The following PBRM1 variants were observed in gnomAD, a reference collection of about 807,000 sequenced individuals.
PBRM1 encodes the protein protein polybromo-1.
A neutral mutation model predicts 194.5 loss-of-function variants in PBRM1; 27 were observed. The ratio of observed to expected loss-of-function variants is 0.14; its 90% confidence interval spans 0.10 to 0.19. The LOEUF is 0.19. PBRM1 is among the 10% of genes least tolerant of loss of function. The pLI, the probability that PBRM1 is intolerant of heterozygous loss-of-function variation, is 1.00. For synonymous variants in PBRM1, 655 were observed against 693.2 expected (o/e 0.94, Z 0.87); for missense variants, 1,466 against 2,077.2 (o/e 0.71, Z 5.72).
At chr3:52,685,769 A>C in exon 1 of PBRM1, 1 of 223,836 alleles carries the variant, frequency 4.5e-6, no homozygotes, top group Non-Finnish European at 8.5e-6. Flanking sequence ...CGCCGCCTGC[A>C]GCCCCGGCCG....
At chr3:52,634,204 C>T (rs892050838) in intron 11 of PBRM1, among the ~76,000 whole-genome samples, 4 of 151,864 alleles carry the variant, frequency 2.6e-5, no homozygotes, top group African/African-American at 9.7e-5. Flanking sequence ...TTTGGGAGGC[C>T]GAGGTGGGCA....
chr3:52,653,374 G>A (rs138689660), intron 5 of PBRM1, among the ~76,000 whole-genome samples: 5,052 of 152,218 alleles, frequency 0.033, 277 homozygotes, highest in African/African-American at 0.11. Context: ...TGGATCACCT[G>A]AAGTCAGGAG....
chr3:52,619,825 C>G (rs529341100), intron 13 of PBRM1, among the ~76,000 whole-genome samples: 1 of 152,122 alleles, frequency 6.6e-6, no homozygotes, highest in Non-Finnish European at 1.5e-5. Flanking sequence ...GATTTTTAGG[C>G]TTTTCAGAAA....
intron 20 of PBRM1, 31 bp from the exon 23 acceptor site, chr3:52,579,230 T>G (rs756053448): frequency 6.3e-7 from 1 of 1,598,476 alleles, no homozygotes; most frequent in Admixed American, 1.7e-5. Context: ...TGAAGAAAGG[T>G]AGTTGATAAT....
At position 52,628,887 on chromosome 3, in the gene PBRM1, A is replaced by C; in HGVS notation, c.1443+7T>G. 4 of 1,613,278 alleles carry C rather than the reference A, an allele frequency of 2.5e-6. No homozygotes were observed. The highest frequency in any genetic ancestry group is 3.4e-6 in the Non-Finnish European group (4 of 1,179,488). On this transcript the variant is annotated splice_region_variant and intron_variant, in intron 12 of 29. Coordinates refer to ENST00000296302, the Ensembl canonical transcript of PBRM1. Reference sequence around the variant, plus strand: ...ACAACAAACTCAGCAAAAACAATAAATCACACCTGCATAACTTGCTGCAAT... The same window carrying C: ...ACAACAAACTCAGCAAAAACAATAACTCACACCTGCATAACTTGCTGCAAT...
chr3:52,667,490 C>A (rs866865357), intron 3 of PBRM1, among the ~76,000 whole-genome samples: 1 of 152,224 alleles, frequency 6.6e-6, no homozygotes, highest in East Asian at 1.9e-4. Context: ...TGGTCGCTCA[C>A]GCCTGTTGTC....
chr3:52,644,647 T>G (rs2153730492), intron 8 of PBRM1, 57 bp downstream of exon 9: 1 of 757,534 alleles, frequency 1.3e-6, no homozygotes, highest in Non-Finnish European at 2.2e-6. Context: ...CCTCCCAAAG[T>G]GCTGAGATTA....
chr3:52,651,698 A>G, intron 6 of PBRM1, 44 bp downstream of exon 7: 1 of 1,172,054 alleles, frequency 8.5e-7, no homozygotes, highest in Non-Finnish European at 1.2e-6. Context: ...TCATAGGCCA[A>G]TCTGCTCTAA....
chr3:52,587,315 G>C (rs1484971881), intron 19 of PBRM1, 38 bp downstream of exon 21: 1 of 1,424,868 alleles, frequency 7.0e-7, no homozygotes, highest in Non-Finnish European at 9.7e-7. Flanking sequence ...TTATTCCTAG[G>C]GAATGAGTGA....
chr3:52,593,752 T>C (rs975964312), intron 17 of PBRM1, among the ~76,000 whole-genome samples: 1 of 152,228 alleles, frequency 6.6e-6, no homozygotes, highest in African/African-American at 2.4e-5. Context: ...AGTGATTTTG[T>C]CTTGATTTCT....
intron 10 of PBRM1, among the ~76,000 whole-genome samples, chr3:52,636,450 A>T (rs2095815361): frequency 6.6e-6 from 1 of 151,998 alleles, no homozygotes; most frequent in African/African-American, 2.4e-5. Context: ...CTCAGGTAAG[A>T]ACCATAATCA....
chr3:52,658,147 A>G, intron 5 of PBRM1, 52 bp downstream of exon 6: 1 of 838,654 alleles, frequency 1.2e-6, no homozygotes, highest in East Asian at 2.4e-5. Flanking sequence ...CAATTCTTGA[A>G]GTACTAAAAA....
intron 22 of PBRM1, among the ~76,000 whole-genome samples, chr3:52,571,854 CCCAAAAAAAA>C (rs1215425140): frequency 1.6e-4 from 6 of 36,682 alleles, no homozygotes; most frequent in African/African-American, 5.1e-4. Context: ...ACCTCATCTC[CCCAAAAAAAA>C]AAAAAAAAAA....
At chr3:52,546,494 G>A (rs2079694331), downstream of PBRM1, 1 of 229,880 alleles carries the variant, frequency 4.4e-6, no homozygotes, top group East Asian at 6.3e-5. Flanking sequence ...AGATACAAGA[G>A]ACTTTTTTCC....
intron 27 of PBRM1, among the ~76,000 whole-genome samples, chr3:52,554,440 G>C (rs1441064062): frequency 1.3e-5 from 2 of 152,256 alleles, no homozygotes; most frequent in African/African-American, 4.8e-5. Context: ...TGTCAAATTA[G>C]TTGAGTGATT....
At chr3:52,655,003 C>T (rs1358850131) in intron 5 of PBRM1, among the ~76,000 whole-genome samples, 1 of 152,068 alleles carries the variant, frequency 6.6e-6, no homozygotes, top group East Asian at 1.9e-4. Context: ...ATGTTGGCCT[C>T]TCAAAGCTCT....
In PBRM1 at chr3:52,648,313, A is replaced by AAAC. The variant is rs752396114; in HGVS notation, c.813+28_813+30dup. On this transcript the variant is annotated intron_variant, in intron 7 of 29. Transcript: ENST00000296302. ...TTAAATTATCTACTATTACCAAGGA[A>AAAC]AACAACAACAACAACAACAACAAAA... 1.8e-4 allele frequency: 222 copies of AAAC among 1,253,196 alleles called. 1 individual carries two copies. Among genetic ancestry groups the AAAC allele is most frequent in the African/African-American group, 1.4e-3 (92 of 66,608 alleles). The allele number at this position is 1,253,196 out of a possible 1,614,324, so 77.6% of individuals were successfully genotyped here. A position where few individuals can be genotyped will look rare whatever the true frequency, so the allele number is the denominator to read the frequency against.
chr3:52,559,812 G>A (rs1264277915), intron 25 of PBRM1, among the ~76,000 whole-genome samples: 1 of 148,170 alleles, frequency 6.7e-6, no homozygotes, highest in Non-Finnish European at 1.5e-5. Context: ...AGAAACGAAG[G>A]CCATTTGAAC....
At chr3:52,634,267 T>C (rs955244270) in intron 11 of PBRM1, among the ~76,000 whole-genome samples, 1 of 151,730 alleles carries the variant, frequency 6.6e-6, no homozygotes, top group African/African-American at 2.4e-5. Context: ...TGAAACCCAG[T>C]CTCTAATAGA....
Sources: allele counts gnomAD v4.1 joint callset (sites outside exome capture counted in the v4.1 genomes callset), GRCh38; gene constraint gnomAD v4.1.1; transcripts MANE v1.5; gene names NCBI Gene and HGNC (gene_info 2026-07-23, HGNC 2026-07-21).